Variants in SEC31A observed in about 807,000 individuals in gnomAD.
SEC31A encodes the protein SEC31 homolog A, COPII component.
A neutral mutation model predicts 151.0 loss-of-function variants in SEC31A; 70 were observed. The observed-to-expected ratio is 0.46, with a 90% CI of 0.38 to 0.57. The LOEUF (loss-of-function observed/expected upper bound fraction) is 0.57. Ranked by LOEUF, SEC31A falls within the 20% of genes least tolerant of loss-of-function variation. SEC31A has a pLI of 0.00. For missense variants in SEC31A, 1,330 were observed against 1,471.2 expected, an observed-to-expected ratio of 0.90 and a Z score of 1.57; for synonymous variants, 475 against 505.9, an observed-to-expected ratio of 0.94 and a Z score of 0.82.
Position 82,875,744 on chromosome 4 carries a change from G to A in SEC31A, c.481C>T (p.Pro161Ser), listed in dbSNP as rs1317537810. The A allele has an allele frequency of 2.5e-6, 4 of 1,598,296 alleles. No homozygotes were observed. Among genetic ancestry groups the A allele is most frequent in the Non-Finnish European group, 2.6e-6 (3 of 1,168,614 alleles). ...AAAAATACCTGTGTTTTGGCTCCTG[G>A]TGTCATTGGGGTTGCAAAATTATTT... The part of the protein sequence containing the change: ...DLNNFATPMT[P>S]GAKTQPPEDI... Residue 161 changes from proline to serine, a missense_variant, in exon 5 of 27, where the codon CCA (proline) becomes TCA (serine). Transcript: ENST00000395310.
intron 20 of SEC31A, chr4:82,845,148 T>TTAG (rs1181921829): frequency 8.4e-7 from 1 of 1,185,172 alleles, no homozygotes; most frequent in Non-Finnish European, 1.2e-6. Context: ...AACATATAAC[T>TTAG]GTATATTTAG....
At chr4:82,873,401 A>G (rs202011754) in intron 6 of SEC31A, among the ~76,000 whole-genome samples, 1 of 50,724 alleles carries the variant, frequency 2.0e-5, no homozygotes, top group Non-Finnish European at 8.3e-5. Context: ...CACAAGACAC[A>G]AAAAAACCCC....
chr4:82,880,718 A>C, intron 3 of SEC31A, 81 bp downstream of exon 3: 3 of 1,207,152 alleles, frequency 2.5e-6, no homozygotes, highest in Non-Finnish European at 3.4e-6. Context: ...GTTTCTAATA[A>C]TGGCATAATT....
chr4:82,871,448 C>G (rs1032796226), intron 7 of SEC31A: 1 of 1,420,978 alleles, frequency 7.0e-7, no homozygotes, highest in East Asian at 2.5e-5. Context: ...CAATGGATAA[C>G]AAAACCAATT....
At chr4:82,832,858 C>G (rs1410614553) in intron 22 of SEC31A, among the ~76,000 whole-genome samples, 1 of 152,164 alleles carries the variant, frequency 6.6e-6, no homozygotes, top group Admixed American at 6.5e-5. Context: ...CAGTGAGATA[C>G]TATCTCACGC....
At chr4:82,863,424 A>T in intron 11 of SEC31A, 32 bp from the exon 12 acceptor site, 1 of 1,393,654 alleles carries the variant, frequency 7.2e-7, no homozygotes, top group South Asian at 1.3e-5. Context: ...CTTAAAACAA[A>T]GACCTACATT....
chr4:82,878,121 T>C (rs1738421974), intron 4 of SEC31A: 1 of 152,330 alleles, frequency 6.6e-6, no homozygotes, highest in African/African-American at 2.4e-5. Flanking sequence ...GCATGAACTT[T>C]TAAAAGGCAA....
At chr4:82,854,238 C>G in intron 17 of SEC31A, among the ~76,000 whole-genome samples, 1 of 151,960 alleles carries the variant, frequency 6.6e-6, no homozygotes, top group East Asian at 1.9e-4. Flanking sequence ...TGGTGCATGC[C>G]TATAATCCCA....
At chr4:82,829,237 T>C (rs1725352041) in intron 22 of SEC31A, 179 bp from the exon 23 acceptor site, 1 of 558,870 alleles carries the variant, frequency 1.8e-6, no homozygotes, top group Non-Finnish European at 3.2e-6. Context: ...TCACATCTCT[T>C]AATAGGAACA....
chr4:82,871,699 C>G (rs141753475), intron 7 of SEC31A: 91 of 534,044 alleles, frequency 1.7e-4, no homozygotes, highest in African/African-American at 1.7e-3. Context: ...AATTTCCTGG[C>G]ATGGTGGCTT....
At chr4:82,844,179 G>C (rs1729531430) in intron 21 of SEC31A, 3 of 499,374 alleles carry the variant, frequency 6.0e-6, no homozygotes, top group East Asian at 3.1e-5. Flanking sequence ...CAACTACTCT[G>C]AACAGTGTGA....
At chr4:82,851,665 A>C in intron 18 of SEC31A, 61 bp from the exon 19 acceptor site, 1 of 1,412,436 alleles carries the variant, frequency 7.1e-7, no homozygotes, top group Non-Finnish European at 9.8e-7. Flanking sequence ...AGGAAGCAGG[A>C]AAAGATCAAG....
intron 2 of SEC31A, among the ~76,000 whole-genome samples, chr4:82,881,176 G>C (rs191514911): frequency 6.6e-6 from 1 of 152,052 alleles, no homozygotes; most frequent in Non-Finnish European, 1.5e-5. Flanking sequence ...AAATGGTCCC[G>C]TGATGGGGGC....
At chr4:82,826,493 A>G (rs1724602560) in intron 24 of SEC31A, among the ~76,000 whole-genome samples, 1 of 152,194 alleles carries the variant, frequency 6.6e-6, no homozygotes, top group African/African-American at 2.4e-5. Flanking sequence ...AGCTGGGACT[A>G]CAGGCGCCGC....
upstream of SEC31A, chr4:82,893,539 T>C (rs898965530): frequency 6.6e-6 from 1 of 152,254 alleles, no homozygotes; most frequent in African/African-American, 2.4e-5. Flanking sequence ...AGCATCCATT[T>C]CATTGTTTTA....
chr4:82,828,696 A>AAAAAAAAAAAAAAAC (rs1422694870), intron 23 of SEC31A, among the ~76,000 whole-genome samples: 1 of 150,352 alleles, frequency 6.7e-6, no homozygotes, highest in Non-Finnish European at 1.5e-5. Flanking sequence ...AAAAAAAAAA[A>AAAAAAAAAAAAAAAC]AGAAAGCAAC....
chr4:82,891,550 C>T (rs1719762437), upstream of SEC31A, among the ~76,000 whole-genome samples: 1 of 152,232 alleles, frequency 6.6e-6, no homozygotes, highest in Non-Finnish European at 1.5e-5. Context: ...GGCGACACTG[C>T]CCGCGCCAAA....
rs778694830 is a variant in SEC31A at position 82,855,027 on chromosome 4, G to A, written c.1884C>T (p.Leu628=). ...AGTTCTTCATCACCACTGCAGTGAT[G>A]AGCTTGAGAAACGAAAACAAAGGAA... ...FAKSQSKITR[L]ITAVVMKNWK... Residue 628 remains leucine, a splice_region_variant and synonymous_variant, in exon 17 of 27, where the codon CTC becomes CTT. Coordinates refer to ENST00000395310, the MANE Select transcript of SEC31A (RefSeq NM_001077207.4). 4 of 1,591,572 alleles carry A rather than the reference G, an allele frequency of 2.5e-6. No individual in the cohort carries two copies. In the South Asian group the frequency reaches 4.6e-5, roughly 18 times the overall value.
intron 3 of SEC31A, among the ~76,000 whole-genome samples, chr4:82,879,939 A>G (rs1035375550): frequency 6.6e-5 from 10 of 152,230 alleles, no homozygotes; most frequent in Admixed American, 5.9e-4. Flanking sequence ...GATAATCACT[A>G]TTAATACTTA....
Sources: gnomAD v4.1 joint callset for allele counts (sites outside exome capture counted in the v4.1 genomes callset) on GRCh38, gnomAD v4.1.1 for gene constraint, MANE v1.5 for transcripts, NCBI Gene and HGNC (gene_info 2026-07-23, HGNC 2026-07-21) for gene names.